The following INPP5F variants were observed in gnomAD, a reference collection of about 807,000 sequenced individuals.
INPP5F encodes inositol polyphosphate-5-phosphatase F, also known as phosphatidylinositide 4-phosphatase SAC2.
A neutral mutation model predicts 137.2 loss-of-function variants in INPP5F; 97 were observed. The observed-to-expected ratio is 0.71, with a 90% CI of 0.60 to 0.84. INPP5F has a LOEUF of 0.84. Ranked by LOEUF, INPP5F falls within the 40% of genes least tolerant of loss-of-function variation. The probability of loss-of-function intolerance (pLI) is 0.00; values close to 1 mark genes in which losing one functional copy is unlikely to be tolerated. For synonymous variants in INPP5F, 504 were observed against 476.9 expected (o/e 1.06, Z -0.74); for missense variants, 1,271 against 1,371.9 (o/e 0.93, Z 1.16).
chr10:119,742,267 A>G (rs171908), intron 1 of INPP5F, among the ~76,000 whole-genome samples: 149,164 of 152,148 alleles, frequency 0.98, 73,197 homozygotes, highest in Middle Eastern at 1. Flanking sequence ...GCAATTCTCT[A>G]CTTTAGTTTC....
intron 17 of INPP5F, among the ~76,000 whole-genome samples, chr10:119,822,782 G>C (rs180846936): frequency 9.8e-5 from 15 of 152,316 alleles, no homozygotes; most frequent in Non-Finnish European, 2.1e-4. Flanking sequence ...CTACTTCTTA[G>C]AACTTCCTTT....
intron 19 of INPP5F, among the ~76,000 whole-genome samples, chr10:119,825,300 C>G (rs892822767): frequency 2.6e-5 from 4 of 152,168 alleles, no homozygotes; most frequent in South Asian, 4.1e-4. Context: ...GGGTATTTCA[C>G]TTGTCCCTAA....
intron 2 of INPP5F, among the ~76,000 whole-genome samples, chr10:119,774,280 A>C (rs1438216775): frequency 1.3e-5 from 2 of 150,450 alleles, no homozygotes; most frequent in Non-Finnish European, 3.0e-5. Context: ...AAAAAAAAAA[A>C]AAACTCCCTA....
At chr10:119,740,865 A>G (rs1564801732) in intron 1 of INPP5F, among the ~76,000 whole-genome samples, 3 of 152,162 alleles carry the variant, frequency 2.0e-5, no homozygotes, top group South Asian at 4.1e-4. Flanking sequence ...TTGAAGCCAT[A>G]TGAAGACCCT....
chr10:119,731,158 CTTAGAG>C (rs959797602), intron 1 of INPP5F, among the ~76,000 whole-genome samples: 88 of 152,046 alleles, frequency 5.8e-4, no homozygotes, highest in African/African-American at 2.0e-3. Flanking sequence ...TTCTGTTCTT[CTTAGAG>C]TTAATTTTTG....
intron 3 of INPP5F, among the ~76,000 whole-genome samples, chr10:119,782,558 G>T (rs1036853388): frequency 1.3e-5 from 2 of 152,140 alleles, no homozygotes; most frequent in South Asian, 4.1e-4. Flanking sequence ...AGGCTAGGTG[G>T]GTGGCTCCTG....
At chr10:119,791,170 A>G (rs186134618) in intron 3 of INPP5F, among the ~76,000 whole-genome samples, 2 of 152,328 alleles carry the variant, frequency 1.3e-5, no homozygotes, top group Admixed American at 1.3e-4. Context: ...GCATTTTGCA[A>G]TTTTTAAATT....
chr10:119,798,606 A>G lies in INPP5F; in HGVS notation c.1112A>G (p.Lys371Arg), dbSNP rs773345307. The part of the protein sequence containing the change: ...HFEEQLNIYK[K>R]QVIINLVDQA... ...GAAGAACAACTGAACATTTACAAAA[A>G]ACAGGTGGGCTTTGATTTACAGTAG... The change falls in exon 9 of 20, where the codon AAA becomes AGA. Residue 371 changes from lysine to arginine, a missense_variant. Coordinates refer to ENST00000650623, the MANE Select transcript of INPP5F (RefSeq NM_014937.4). The G allele has an allele frequency of 6.2e-7, 1 of 1,609,576 alleles. No homozygotes were observed. The highest frequency in any genetic ancestry group is 1.1e-5 in the South Asian group (1 of 90,568).
At chr10:119,770,129 C>T (rs1328465598) in intron 2 of INPP5F, among the ~76,000 whole-genome samples, 5 of 152,076 alleles carry the variant, frequency 3.3e-5, no homozygotes, top group African/African-American at 1.2e-4. Flanking sequence ...ACTTCCTAAT[C>T]AGTTTTTTTT....
chr10:119,804,897 T>C (rs1850714656), intron 10 of INPP5F, among the ~76,000 whole-genome samples: 1 of 152,104 alleles, frequency 6.6e-6, no homozygotes, highest in Non-Finnish European at 1.5e-5. Flanking sequence ...GGCTAACTTC[T>C]GTATTTTTTG....
chr10:119,791,710 C>A, intron 4 of INPP5F, 65 bp downstream of exon 4: 1 of 1,437,834 alleles, frequency 7.0e-7, no homozygotes, highest in South Asian at 1.2e-5. Context: ...AGAGATAATT[C>A]TCCACTCAGA....
At chr10:119,790,241 TC>T (rs1396666172) in intron 3 of INPP5F, among the ~76,000 whole-genome samples, 1 of 152,114 alleles carries the variant, frequency 6.6e-6, no homozygotes, top group African/African-American at 2.4e-5. Context: ...GGATGCCATG[TC>T]CATAAGCTTG....
At chr10:119,826,348 T>G (rs536446052) in intron 19 of INPP5F, among the ~76,000 whole-genome samples, 1 of 152,362 alleles carries the variant, frequency 6.6e-6, no homozygotes, top group African/African-American at 2.4e-5. Flanking sequence ...AATATTTTTA[T>G]GTTGAAATAT....
In INPP5F at chr10:119,804,239, G is replaced by A. The variant is rs1185907212; in HGVS notation, c.1183G>A (p.Val395Met). 2.5e-6 allele frequency: 4 copies of A among 1,611,770 alleles called. No homozygotes were observed. Among genetic ancestry groups the A allele is most frequent in the Non-Finnish European group, 3.4e-6 (4 of 1,178,486 alleles). ...KIIGDAYLKQ[V>M]LLFNNSHLTY... Reference sequence around the variant, plus strand: ...TATTGGCGATGCTTACCTGAAGCAAGTGTTGCTTTTCAACAACTCACACCT... The same window carrying A: ...TATTGGCGATGCTTACCTGAAGCAAATGTTGCTTTTCAACAACTCACACCT... Residue 395 changes from valine (V) to methionine (M), a missense_variant, in exon 10 of 20, where the codon GTG (valine) becomes ATG (methionine). Physicochemically the swap from Val to Met is conservative, Grantham distance 21. Around this residue, in one of 6 missense-constraint regions of INPP5F, gnomAD observed 593 missense variants for 712.4 expected, o/e 0.83. Transcript: ENST00000650623.
chr10:119,816,705 G>A (rs1851293411), intron 15 of INPP5F: 1 of 152,398 alleles, frequency 6.6e-6, no homozygotes, highest in South Asian at 2.1e-4. Context: ...GGTGGCCCTG[G>A]AAGTGGAAGT....
chr10:119,810,241 T>C, intron 14 of INPP5F, 24 bp downstream of exon 14: 1 of 1,290,236 alleles, frequency 7.8e-7, no homozygotes, highest in Non-Finnish European at 1.1e-6. Context: ...AAGCTTTTCT[T>C]TCCTCAAAAT....
chr10:119,741,026 G>A (rs1461171228), intron 1 of INPP5F, among the ~76,000 whole-genome samples: 1 of 152,180 alleles, frequency 6.6e-6, no homozygotes, highest in African/African-American at 2.4e-5. Context: ...GACTACAGGT[G>A]TCCGGCTAAG....
intron 13 of INPP5F, among the ~76,000 whole-genome samples, chr10:119,808,473 CT>C (rs1337217011): frequency 6.6e-6 from 1 of 152,160 alleles, no homozygotes; most frequent in East Asian, 1.9e-4. Flanking sequence ...TAGCTGTGAC[CT>C]TGGGCAAGTC....
At position 119,823,037 on chromosome 10, in the gene INPP5F, A is replaced by G. The variant is rs748807090; in HGVS notation, c.2033-34A>G. 46 of 1,576,164 alleles carry G rather than the reference A, an allele frequency of 2.9e-5. No homozygotes were observed. In the Middle Eastern group the frequency reaches 1.2e-3, roughly 41 times the overall value. On this transcript the variant is annotated intron_variant, in intron 17 of 19. Coordinates refer to ENST00000650623, the MANE Select transcript of INPP5F (RefSeq NM_014937.4). ...AATAGAAGAAAATGTTATGTGAAAC[A>G]TTTAACTTTATACGTATTCATTTGG...
Sources: allele counts gnomAD v4.1 joint callset (sites outside exome capture counted in the v4.1 genomes callset), GRCh38; gene constraint gnomAD v4.1.1; regional missense constraint gnomAD v4.1.1; transcripts MANE v1.5; gene names NCBI Gene and HGNC (gene_info 2026-07-23, HGNC 2026-07-21).